The following RASSF3 variants were observed in gnomAD, a reference collection of about 807,000 sequenced individuals.
RASSF3 encodes the protein Ras association domain family member 3, also known as ras association domain-containing protein 3.
RASSF3 carries 19 observed loss-of-function variants against 19.9 expected under a neutral mutation model. The observed-to-expected ratio is 0.96, with a 90% CI of 0.67 to 1.40. The LOEUF (loss-of-function observed/expected upper bound fraction) is 1.40, where lower values mean the gene tolerates loss of function less well. Among genes scored for constraint, RASSF3 ranks in the 40% most tolerant of loss-of-function variants. The probability of loss-of-function intolerance (pLI) is 0.00; values close to 1 mark genes in which losing one functional copy is unlikely to be tolerated. For missense variants in RASSF3, 306 were observed against 289.8 expected (o/e 1.06, Z -0.41); for synonymous variants, 110 against 104.2 (o/e 1.06, Z -0.34).
intron 1 of RASSF3, among the ~76,000 whole-genome samples, chr12:64,652,427 C>T (rs1182673855): frequency 6.9e-6 from 1 of 144,898 alleles, no homozygotes; most frequent in Non-Finnish European, 1.5e-5. Context: ...CCCCCCTCCT[C>T]TTTCTTACTT....
At chr12:64,595,839 T>C (rs148386427) in intron 2 of RASSF3, among the ~76,000 whole-genome samples, 194 of 152,126 alleles carry the variant, frequency 1.3e-3, no homozygotes, top group African/African-American at 4.5e-3. Context: ...TCAATCCCAT[T>C]CTCCCTCAAG....
intron 1 of RASSF3, among the ~76,000 whole-genome samples, chr12:64,540,700 A>T (rs773183579): frequency 5.9e-5 from 9 of 152,236 alleles, no homozygotes; most frequent in Non-Finnish European, 1.3e-4. Context: ...TATGCCTGTA[A>T]TCTCAACACT....
chr12:64,514,925 T>C (rs985963860), intron 1 of RASSF3, among the ~76,000 whole-genome samples: 1 of 148,002 alleles, frequency 6.8e-6, no homozygotes, highest in Non-Finnish European at 1.5e-5. Flanking sequence ...TTGTTAGTTA[T>C]TGTATTTTTT....
chr12:64,605,055 G>A (rs1340116788), intron 2 of RASSF3, among the ~76,000 whole-genome samples: 3 of 150,920 alleles, frequency 2.0e-5, no homozygotes, highest in Non-Finnish European at 2.9e-5. Flanking sequence ...GTGCCATCTC[G>A]GCTCACTGCA....
At chr12:64,544,370 A>C (rs1441560033), downstream of RASSF3, among the ~76,000 whole-genome samples, 2 of 152,142 alleles carry the variant, frequency 1.3e-5, no homozygotes, top group African/African-American at 4.8e-5. Flanking sequence ...AACACATCAG[A>C]AGGAACAAAC....
upstream of RASSF3, among the ~76,000 whole-genome samples, chr12:64,528,362 T>G (rs1327290827): frequency 6.6e-6 from 1 of 152,216 alleles, no homozygotes; most frequent in East Asian, 1.9e-4. Flanking sequence ...TGTCAACCAC[T>G]GTCAGGAAAC....
At chr12:64,565,569 C>A (rs749605182) in intron 2 of RASSF3, among the ~76,000 whole-genome samples, 1 of 152,060 alleles carries the variant, frequency 6.6e-6, no homozygotes, top group Non-Finnish European at 1.5e-5. Context: ...AAAAATTAGA[C>A]GGCTGCAGTG....
chr12:64,559,738 T>TC (rs1206458399), intron 2 of RASSF3, among the ~76,000 whole-genome samples: 6 of 152,148 alleles, frequency 3.9e-5, no homozygotes, highest in Non-Finnish European at 7.4e-5. Context: ...GGGGCCTGTG[T>TC]CCCCCCCAAA....
chr12:64,636,631 C>T (rs533686453), intron 1 of RASSF3, among the ~76,000 whole-genome samples: 31 of 151,690 alleles, frequency 2.0e-4, no homozygotes, highest in Non-Finnish European at 4.0e-4. Context: ...TTTGGGAGGC[C>T]GAGGTGGGTG....
At chr12:64,566,632 C>T (rs1209836502) in intron 2 of RASSF3, among the ~76,000 whole-genome samples, 1 of 152,136 alleles carries the variant, frequency 6.6e-6, no homozygotes, top group African/African-American at 2.4e-5. Context: ...AATGGCAACA[C>T]TGAGAAGTCT....
chr12:64,644,921 A>T (rs1871678022), intron 1 of RASSF3, among the ~76,000 whole-genome samples: 1 of 151,928 alleles, frequency 6.6e-6, no homozygotes, highest in Non-Finnish European at 1.5e-5. Context: ...AAAAAATAAA[A>T]AAATTAGCTT....
intron 1 of RASSF3, among the ~76,000 whole-genome samples, chr12:64,539,508 G>A (rs1243459123): frequency 6.6e-6 from 1 of 152,118 alleles, no homozygotes; most frequent in Non-Finnish European, 1.5e-5. Context: ...TGGGTGCGGT[G>A]GCTTATATCT....
chr12:64,541,718 G>A, downstream of RASSF3: 1 of 398,508 alleles, frequency 2.5e-6, no homozygotes, highest in East Asian at 3.6e-5. Flanking sequence ...AGGCACTATT[G>A]GTGCTTGTGG....
chr12:64,634,899 A>G (rs1289111396), intron 1 of RASSF3, among the ~76,000 whole-genome samples: 1 of 151,428 alleles, frequency 6.6e-6, no homozygotes, highest in Non-Finnish European at 1.5e-5. Context: ...AGTTAGTACA[A>G]GTTTATTTTG....
At chr12:64,679,116 G>A (rs979183492) in intron 1 of RASSF3, among the ~76,000 whole-genome samples, 1 of 152,248 alleles carries the variant, frequency 6.6e-6, no homozygotes, top group Non-Finnish European at 1.5e-5. Flanking sequence ...AGACTGGAGT[G>A]CAATGGCACG....
chr12:64,544,272 C>T (rs548819691), downstream of RASSF3, among the ~76,000 whole-genome samples: 9 of 152,022 alleles, frequency 5.9e-5, no homozygotes, highest in South Asian at 1.9e-3. Flanking sequence ...GACGCACTGC[C>T]TTAAGAGCTC....
At chr12:64,582,374 C>T (rs1169801969) in intron 2 of RASSF3, among the ~76,000 whole-genome samples, 1 of 152,150 alleles carries the variant, frequency 6.6e-6, no homozygotes, top group Non-Finnish European at 1.5e-5. Context: ...AAAATGCCTC[C>T]TGCCAAAAAG....
chr12:64,562,023 T>TTA (rs141301351), intron 2 of RASSF3, among the ~76,000 whole-genome samples: 1 of 139,768 alleles, frequency 7.2e-6, no homozygotes. Flanking sequence ...ATTTATTTAT[T>TTA]TTTGTTTGTT....
chr12:64,558,810 G>A (rs1353375404), intron 2 of RASSF3, among the ~76,000 whole-genome samples: 1 of 152,142 alleles, frequency 6.6e-6, no homozygotes, highest in Non-Finnish European at 1.5e-5. Flanking sequence ...TCTGAAAACT[G>A]GATCAAGTGT....
Sources: allele counts gnomAD v4.1 joint callset (sites outside exome capture counted in the v4.1 genomes callset), GRCh38; gene constraint gnomAD v4.1.1; transcripts MANE v1.5; gene names NCBI Gene and HGNC (gene_info 2026-07-23, HGNC 2026-07-21).